BTBD7: variants seen among roughly 807,000 people sequenced by gnomAD.
The protein encoded by BTBD7 is BTB/POZ domain-containing protein 7.
Under a neutral mutation model 99.9 loss-of-function variants are expected in BTBD7, and 38 were observed. The observed-to-expected ratio is 0.38, with a 90% CI of 0.29 to 0.50. BTBD7 has a LOEUF of 0.50. Among genes scored for constraint, BTBD7 ranks in the 20% least tolerant of loss-of-function variants. The pLI is 0.93. For synonymous variants in BTBD7, 520 were observed against 511.4 expected, an observed-to-expected ratio of 1.02 and a Z score of -0.23; for missense variants, 1,170 against 1,394.6, an observed-to-expected ratio of 0.84 and a Z score of 2.57.
At chr14:93,306,511 A>G (rs1401783517) in intron 1 of BTBD7, among the ~76,000 whole-genome samples, 1 of 152,072 alleles carries the variant, frequency 6.6e-6, no homozygotes, top group Non-Finnish European at 1.5e-5. Flanking sequence ...TCTAAAAACA[A>G]AAGTTTTCTA....
intron 3 of BTBD7, 27 bp downstream of exon 3, chr14:93,293,831 T>C (rs1382148876): frequency 4.5e-6 from 7 of 1,571,840 alleles, no homozygotes; most frequent in African/African-American, 1.4e-5. Flanking sequence ...ATTCTATAAA[T>C]CAGAATTAAA....
intron 3 of BTBD7, among the ~76,000 whole-genome samples, chr14:93,270,922 C>A (rs567847192): frequency 6.6e-6 from 1 of 152,266 alleles, no homozygotes; most frequent in South Asian, 2.1e-4. Context: ...TTAATCCTTT[C>A]CTCTATTCTC....
At chr14:93,275,294 CCTTTT>C (rs1323707041) in intron 3 of BTBD7, among the ~76,000 whole-genome samples, 1 of 152,170 alleles carries the variant, frequency 6.6e-6, no homozygotes, top group Non-Finnish European at 1.5e-5. Context: ...TATCCCTATT[CCTTTT>C]ATCTTCTTCA....
intron 5 of BTBD7, among the ~76,000 whole-genome samples, chr14:93,260,805 G>A (rs966206312): frequency 1.3e-5 from 2 of 151,900 alleles, no homozygotes; most frequent in Non-Finnish European, 2.9e-5. Context: ...CGCCCGCCTC[G>A]GCCTCCCAAA....
rs374507319 is a variant in BTBD7 at position 93,294,368 on chromosome 14, C to T, written c.652G>A (p.Asp218Asn). ...TCTTCACTAAGCTGAACAAGGATAT[C>T]GACATTTTGAAACCTTGAGTCCTCC... Reference protein sequence around the residue: ...GMEDSRFQNVDILVQLSEEFG... With the variant: ...GMEDSRFQNVNILVQLSEEFG... The change falls in exon 3 of 11, where the codon GAT (aspartate) becomes AAT (asparagine). Residue 218 changes from aspartate to asparagine, a missense_variant. Asp to Asn is a conservative substitution (Grantham distance 23). This residue lies in a region of BTBD7 where 359 missense variants were observed against 497.9 expected (regional missense o/e 0.72). Transcript: ENST00000334746. 1.2e-5 allele frequency: 20 copies of T among 1,614,128 alleles called. No individual in the cohort carries two copies. Among genetic ancestry groups the T allele is most frequent in the Middle Eastern group, 3.3e-4 (2 of 6,062 alleles).
chr14:93,291,789 TAA>T (rs33995662), intron 3 of BTBD7, among the ~76,000 whole-genome samples: 24,321 of 143,968 alleles, frequency 0.17, 2,229 homozygotes, highest in East Asian at 0.31. Context: ...AGCTAAACAC[TAA>T]AAAAAAAAAA....
chr14:93,308,783 G>T (rs1468207050), intron 1 of BTBD7, among the ~76,000 whole-genome samples: 2 of 152,200 alleles, frequency 1.3e-5, no homozygotes, highest in Non-Finnish European at 2.9e-5. Context: ...CTTATATGAA[G>T]TACTTAGAGT....
chr14:93,321,165 GAGA>G (rs1458999006), intron 1 of BTBD7, among the ~76,000 whole-genome samples: 1 of 152,174 alleles, frequency 6.6e-6, no homozygotes, highest in Non-Finnish European at 1.5e-5. Context: ...GAAAGGTACT[GAGA>G]AGAATTTAAT....
In BTBD7 at chr14:93,245,920, T is replaced by C. The variant is rs777239659; in HGVS notation, c.2488A>G (p.Thr830Ala). 2 of 1,614,162 alleles carry C rather than the reference T, an allele frequency of 1.2e-6. No individual in the cohort carries two copies. Among genetic ancestry groups the C allele is most frequent in the East Asian group, 2.2e-5 (1 of 44,888 alleles). The change falls in exon 10 of 11, where the codon ACT becomes GCT. Residue 830 changes from threonine to alanine, a missense_variant. Transcript: ENST00000334746. ...ACCGTCTGTCTGCCCAGTCCTGCAG[T>C]GCTGGTACAATCAGGCGGTGCAGCT... ...VKAAPPDCTS[T>A]AGLGRQTVAA...
chr14:93,305,389 C>A (rs1294665230), intron 1 of BTBD7, among the ~76,000 whole-genome samples: 1 of 152,166 alleles, frequency 6.6e-6, no homozygotes. Context: ...GTAAAAGAAG[C>A]ACTAGTGGTT....
intron 3 of BTBD7, among the ~76,000 whole-genome samples, chr14:93,269,283 C>A (rs2052575839): frequency 6.6e-6 from 1 of 152,268 alleles, no homozygotes; most frequent in East Asian, 1.9e-4. Context: ...AATGATAATA[C>A]AACTTTGTCA....
chr14:93,258,963 A>G (rs1307167155), intron 5 of BTBD7, among the ~76,000 whole-genome samples: 1 of 152,260 alleles, frequency 6.6e-6, no homozygotes, highest in African/African-American at 2.4e-5. Flanking sequence ...ATGACATTTC[A>G]TCATTACCAA....
Position 93,242,639 on chromosome 14 carries a change from A to G in BTBD7, c.3033T>C (p.Leu1011=). ...KQEEARREYP[L]SPDGHLHRQK... Reference sequence around the variant, plus strand: ...GTCTGTGTAGATGCCCGTCAGGGGAAAGTGGATATTCTCTCCTAGCTTCTT... The same window carrying G: ...GTCTGTGTAGATGCCCGTCAGGGGAGAGTGGATATTCTCTCCTAGCTTCTT... Residue 1011 remains leucine, a synonymous_variant, in exon 11 of 11, where the codon CTT becomes CTC. Transcript: ENST00000334746. 6.2e-7 allele frequency: 1 copy of G among 1,613,926 alleles called. No homozygotes were observed. Among genetic ancestry groups the G allele is most frequent in the Non-Finnish European group, 8.5e-7 (1 of 1,179,986 alleles).
At chr14:93,322,088 G>A (rs2053277052) in intron 1 of BTBD7, among the ~76,000 whole-genome samples, 1 of 151,954 alleles carries the variant, frequency 6.6e-6, no homozygotes, top group African/African-American at 2.4e-5. Flanking sequence ...AGAGTTGTTT[G>A]TTGTTTTTTA....
At position 93,300,742 on chromosome 14, in the gene BTBD7, G is replaced by T. The variant is rs867529131; in HGVS notation, c.-106-4585C>A. Among the ~76,000 whole-genome samples, 38 of 85,432 alleles carry T rather than the reference G, an allele frequency of 4.4e-4. 1 individual carries two copies. The East Asian group carries it at 6.6e-3, about 15-fold the overall frequency. 56.0% of individuals were successfully genotyped at this position (85,432 alleles called of 152,430 possible). A position where few individuals can be genotyped will look rare whatever the true frequency, so the allele number is the denominator to read the frequency against. On this transcript the variant is annotated intron_variant, in intron 1 of 10. Coordinates refer to ENST00000334746, the MANE Select transcript of BTBD7 (RefSeq NM_001002860.4). Reference sequence around the variant, plus strand: ...TGTGTGTGTGTGTGTGTGTGTGTGTGTGTGTGTGTGTGTGTGTGTGTGTGT... The same window carrying T: ...TGTGTGTGTGTGTGTGTGTGTGTGTTTGTGTGTGTGTGTGTGTGTGTGTGT...
chr14:93,275,476 T>C (rs1566845081), intron 3 of BTBD7, among the ~76,000 whole-genome samples: 1 of 152,220 alleles, frequency 6.6e-6, no homozygotes, highest in Non-Finnish European at 1.5e-5. Context: ...TATTTGGAAT[T>C]TGGTTGTCCC....
rs570024763 is a variant in BTBD7, at chr14:93,318,296, G to A, written c.-107+14524C>T. Reference sequence around the variant, plus strand: ...AATTACCATAAAGATCAGAATAGCAGTAACCTTTAAAAGGAGGAAGAAAGT... The same window carrying A: ...AATTACCATAAAGATCAGAATAGCAATAACCTTTAAAAGGAGGAAGAAAGT... On this transcript the variant is annotated intron_variant, in intron 1 of 10. Transcript: ENST00000334746. 5.3e-5 allele frequency among the ~76,000 whole-genome samples: 8 copies of A among 152,318 alleles called. No individual in the cohort carries two copies. In the South Asian group the frequency reaches 1.7e-3, roughly 32 times the overall value.
intron 3 of BTBD7, 57 bp from the exon 4 acceptor site, chr14:93,264,050 T>A: frequency 6.8e-7 from 1 of 1,480,058 alleles, no homozygotes; most frequent in Non-Finnish European, 9.4e-7. Context: ...TTATTGAACA[T>A]TAGTGTGCTA....
chr14:93,295,286 A>T (rs550943764), intron 2 of BTBD7, among the ~76,000 whole-genome samples: 187 of 151,552 alleles, frequency 1.2e-3, no homozygotes, highest in South Asian at 6.5e-3. Context: ...AATTAAAAAA[A>T]TTTTTTTTTC....
Sources: gnomAD v4.1 joint callset for allele counts (sites outside exome capture counted in the v4.1 genomes callset) on GRCh38, gnomAD v4.1.1 for gene constraint, gnomAD v4.1.1 regional missense constraint, MANE v1.5 for transcripts, NCBI Gene and HGNC (gene_info 2026-07-23, HGNC 2026-07-21) for gene names.